GLI2: variants seen among roughly 807,000 people sequenced by gnomAD.
GLI2 encodes transcription activator GLI2.
GLI2 carries 22 observed loss-of-function variants against 78.9 expected under a neutral mutation model. The observed-to-expected ratio is 0.28, with a 90% CI of 0.20 to 0.40. GLI2 has a LOEUF of 0.40. Among genes scored for constraint, GLI2 ranks in the 10% least tolerant of loss-of-function variants. The pLI is 1.00. For synonymous variants in GLI2, 974 were observed against 963.7 expected (o/e 1.01, Z -0.20); for missense variants, 2,097 against 2,213.2 (o/e 0.95, Z 1.05).
intron 2 of GLI2, among the ~76,000 whole-genome samples, chr2:120,824,520 G>T (rs3943553): frequency 0.14 from 21,011 of 152,232 alleles, 1,807 homozygotes; most frequent in African/African-American, 0.24. Context: ...GCAGAATGGC[G>T]GCTCCAGAGT....
chr2:120,854,432 A>C (rs1241663950), intron 2 of GLI2, among the ~76,000 whole-genome samples: 2 of 152,110 alleles, frequency 1.3e-5, no homozygotes, highest in East Asian at 3.9e-4. Context: ...TCACCTGCCC[A>C]GTGCTGCTTC....
At chr2:120,807,878 C>T (rs1685037482) in intron 2 of GLI2, among the ~76,000 whole-genome samples, 1 of 149,130 alleles carries the variant, frequency 6.7e-6, no homozygotes, top group South Asian at 2.2e-4. Context: ...CCCCGCCACC[C>T]TGAGCATCTG....
chr2:120,944,523 T>C (rs1530577), intron 3 of GLI2, among the ~76,000 whole-genome samples: 131,200 of 152,278 alleles, frequency 0.86, 59,336 homozygotes, highest in East Asian at 1. Context: ...GCCCCCTCAG[T>C]CTGCACTGCC....
intron 3 of GLI2, among the ~76,000 whole-genome samples, chr2:120,931,998 G>A (rs6709020): frequency 0.054 from 8,245 of 152,010 alleles, 770 homozygotes; most frequent in African/African-American, 0.19. Context: ...CAAGAGCCTC[G>A]GGGCTGGCCC....
Position 120,737,454 on chromosome 2 carries a change from A to G in GLI2, c.-31+1169A>G, listed in dbSNP as rs768431870. On this transcript the variant is annotated intron_variant, in intron 1 of 13. Transcript: ENST00000361492. This position sits in a 1 kb window ranked among gnomAD's most constrained non-coding sequence, Gnocchi z 4.3. The stretch of plus-strand genomic sequence containing the variant: ...CTTTCCACTACCTTCTCTTTTGTGT[A>G]ATTGTTCTGTGGCTCCTAGAGTTGA... Among the ~76,000 whole-genome samples the G allele has an allele frequency of 6.6e-6, 1 of 151,966 alleles. No homozygotes were observed. The highest frequency in any genetic ancestry group is 1.5e-5 in the Non-Finnish European group (1 of 67,996).
intron 1 of GLI2, among the ~76,000 whole-genome samples, chr2:120,757,167 T>A (rs1423821092): frequency 1.3e-5 from 2 of 152,182 alleles, no homozygotes; most frequent in Non-Finnish European, 2.9e-5. Context: ...ATTCTAACAT[T>A]TGTACCTGCT....
At chr2:120,840,043 G>A (rs1452299546) in intron 2 of GLI2, among the ~76,000 whole-genome samples, 1 of 152,174 alleles carries the variant, frequency 6.6e-6, no homozygotes, top group African/African-American at 2.4e-5. Context: ...GGGCACCTAT[G>A]TGATTGATTT....
At chr2:120,799,514 C>T (rs1684584601) in intron 2 of GLI2, among the ~76,000 whole-genome samples, 1 of 152,196 alleles carries the variant, frequency 6.6e-6, no homozygotes, top group South Asian at 2.1e-4. Flanking sequence ...AAGGGTCCTC[C>T]TGGAGTCAGG....
chr2:120,858,024 C>T (rs1687742392), intron 2 of GLI2, among the ~76,000 whole-genome samples: 1 of 152,182 alleles, frequency 6.6e-6, no homozygotes, highest in Non-Finnish European at 1.5e-5. Context: ...TGGGAAACTT[C>T]AGTTGTTTGA....
At chr2:120,958,429 C>T (rs1180594203) in intron 5 of GLI2, among the ~76,000 whole-genome samples, 1 of 152,162 alleles carries the variant, frequency 6.6e-6, no homozygotes, top group Non-Finnish European at 1.5e-5. Flanking sequence ...CATCTCCCAT[C>T]CATCCCATCC....
chr2:120,944,917 C>T (rs1680634803), intron 3 of GLI2, among the ~76,000 whole-genome samples: 1 of 152,264 alleles, frequency 6.6e-6, no homozygotes, highest in Admixed American at 6.5e-5. Flanking sequence ...AACACAGCAG[C>T]CATGCAGTGA....
chr2:120,892,134 C>G (rs2104752209), intron 2 of GLI2, among the ~76,000 whole-genome samples: 1 of 152,348 alleles, frequency 6.6e-6, no homozygotes, highest in South Asian at 2.1e-4. Flanking sequence ...CCATCCACCT[C>G]TCTCCCCCGT....
chr2:120,950,397 C>G (rs1261806949), intron 3 of GLI2, among the ~76,000 whole-genome samples: 1 of 152,140 alleles, frequency 6.6e-6, no homozygotes, highest in Non-Finnish European at 1.5e-5. Context: ...GAGTAGATTA[C>G]CTCAAAATAC....
intron 1 of GLI2, among the ~76,000 whole-genome samples, chr2:120,741,774 C>A (rs1377558964): frequency 6.6e-6 from 1 of 151,978 alleles, no homozygotes; most frequent in African/African-American, 2.4e-5. Context: ...CGGCTGCGGC[C>A]CTCCCACCTG....
chr2:120,819,453 T>C (rs1193329557), intron 2 of GLI2, among the ~76,000 whole-genome samples: 1 of 152,102 alleles, frequency 6.6e-6, no homozygotes, highest in Non-Finnish European at 1.5e-5. Context: ...TTGACCAGGC[T>C]GGTCTCGAAC....
At chr2:120,853,755 G>A (rs775484779) in intron 2 of GLI2, among the ~76,000 whole-genome samples, 6 of 152,164 alleles carry the variant, frequency 3.9e-5, no homozygotes, top group Non-Finnish European at 8.8e-5. Flanking sequence ...CAGGCCCCAG[G>A]GGTCAGGTCC....
chr2:120,741,666 C>T (rs892919317), intron 1 of GLI2, among the ~76,000 whole-genome samples: 12 of 152,010 alleles, frequency 7.9e-5, no homozygotes, highest in Non-Finnish European at 1.5e-4. Context: ...GCCGGCTTTT[C>T]CGCCACGCGG....
intron 10 of GLI2, among the ~76,000 whole-genome samples, chr2:120,981,671 C>A (rs988213501): frequency 6.6e-6 from 1 of 152,144 alleles, no homozygotes; most frequent in Non-Finnish European, 1.5e-5. Flanking sequence ...CAGCTCCTGC[C>A]GGGTGTACGT....
At chr2:120,902,185 ACC>A (rs11358856) in intron 2 of GLI2, among the ~76,000 whole-genome samples, 4 of 116,288 alleles carry the variant, frequency 3.4e-5, no homozygotes, top group South Asian at 3.0e-4. Context: ...ATTGACACCC[ACC>A]CCCCCCCACC....
Sources: allele counts gnomAD v4.1 joint callset (sites outside exome capture counted in the v4.1 genomes callset), GRCh38; gene constraint gnomAD v4.1.1; non-coding constraint Gnocchi (gnomAD v3.1); transcripts MANE v1.5; gene names NCBI Gene and HGNC (gene_info 2026-07-23, HGNC 2026-07-21).